MLLT6: variants seen among roughly 807,000 people sequenced by gnomAD.
MLLT6 encodes the protein protein AF-17.
Under a neutral mutation model 103.0 loss-of-function variants are expected in MLLT6, and 22 were observed. That is an observed-to-expected ratio of 0.21 (90% CI 0.15 to 0.31). The LOEUF (loss-of-function observed/expected upper bound fraction) is 0.31, where lower values mean the gene tolerates loss of function less well. Ranked by LOEUF, MLLT6 falls within the 10% of genes least tolerant of loss-of-function variation. MLLT6 has a pLI of 1.00. For synonymous variants in MLLT6, 606 were observed against 623.5 expected (o/e 0.97, Z 0.42); for missense variants, 1,199 against 1,441.7 (o/e 0.83, Z 2.73).
rs1164492531 is a variant in MLLT6 at position 38,728,968 on chromosome 17, G to C, written c.*3370G>C. On this transcript the variant is annotated 3_prime_UTR_variant, in exon 20 of 20. Transcript: ENST00000621332. ...GCTCCTGGGTCTGCTGCTGCCTCAA[G>C]GTGTCCTGACCTTGAGGCTGATGAG... The C allele has an allele frequency of 4.3e-6, 1 of 233,730 alleles. No homozygotes were observed. The highest frequency in any genetic ancestry group is 8.5e-6 in the Non-Finnish European group (1 of 118,196). The allele number at this position is 233,730 out of a possible 1,614,324, so 14.5% of individuals were successfully genotyped here. A position where few individuals can be genotyped will look rare whatever the true frequency, so the allele number is the denominator to read the frequency against.
At position 38,724,546 on chromosome 17, in the gene MLLT6, CAGGCA is replaced by C; in HGVS notation, c.2884-73_2884-69del. 8.3e-7 allele frequency: 1 copy of C among 1,198,062 alleles called. No individual in the cohort carries two copies. The allele number at this position is 1,198,062 out of a possible 1,614,324, so 74.2% of individuals were successfully genotyped here. The stretch of plus-strand genomic sequence containing the variant: ...CCAGTGTGATGGGGTGGGGCCTGGC[CAGGCA>C]GGGCAGGCAGGCAGCAGGGAAGAGA... On this transcript the variant is annotated intron_variant, in intron 18 of 19. Coordinates refer to ENST00000621332, the MANE Select transcript of MLLT6 (RefSeq NM_005937.4). This position sits in a 1 kb window ranked among gnomAD's most constrained non-coding sequence, Gnocchi z 5.4.
chr17:38,707,336 C>T (rs1416705645), intron 2 of MLLT6, 150 bp from the exon 3 acceptor site: 1 of 682,502 alleles, frequency 1.5e-6, no homozygotes, highest in African/African-American at 1.8e-5. Context: ...TCATTTTCAA[C>T]AGTTACCAAC....
chr17:38,721,196 T>A (rs1905713234), intron 16 of MLLT6: 1 of 201,178 alleles, frequency 5.0e-6, no homozygotes, highest in African/African-American at 2.4e-5. Flanking sequence ...GCAGTTGCTA[T>A]TGTGTTGTGG....
rs763838532 is a variant in MLLT6 at position 38,716,580 on chromosome 17, GCCGGGCCCGGGCGCCCTC to G, written c.1253_1270del (p.Arg418_Ser423del). The G allele has an allele frequency of 1.2e-6, 2 of 1,614,030 alleles. No individual in the cohort carries two copies. The highest frequency in any genetic ancestry group is 3.3e-5 in the Admixed American group (2 of 60,030). The stretch of plus-strand genomic sequence containing the variant: ...TTCTCCACCACCACCTCCAGCTCAG[GCCGGGCCCGGGCGCCCTC>G]CCCTGGGGACTATAAGTCTCCCCAC... On this transcript the variant is annotated inframe_deletion, in exon 10 of 20. Transcript: ENST00000621332. This position sits in a 1 kb window ranked among gnomAD's most constrained non-coding sequence, Gnocchi z 5.6.
chr17:38,719,716 G>A (rs764224742), intron 13 of MLLT6, 34 bp from the exon 14 acceptor site: 1 of 1,595,090 alleles, frequency 6.3e-7, no homozygotes. Context: ...TGGAGTGGTC[G>A]GGTCGACTGA....
intron 3 of MLLT6, 70 bp from the exon 4 acceptor site, chr17:38,707,693 G>A (rs1904990086): frequency 8.1e-7 from 1 of 1,227,844 alleles, no homozygotes. Flanking sequence ...ACAGTCTGCA[G>A]CGTGGGGTCA....
intron 17 of MLLT6, 24 bp from the exon 18 acceptor site, chr17:38,722,654 C>CT: frequency 2.2e-6 from 1 of 458,204 alleles, no homozygotes; most frequent in South Asian, 2.1e-5. Context: ...GTTGTCCCCC[C>CT]CCCACCCCCC....
At position 38,717,849 on chromosome 17, in the gene MLLT6, T is replaced by C. The variant is rs1433958046; in HGVS notation, c.1838T>C (p.Phe613Ser). Residue 613 changes from phenylalanine to serine, a missense_variant, in exon 12 of 20, where the codon TTT becomes TCT. By Grantham distance (155) the Phe-to-Ser change is radical (BLOSUM62 -2). This residue lies in a region of MLLT6 where 1,034 missense variants were observed against 1,091.5 expected (regional missense o/e 0.95). Coordinates refer to ENST00000621332, the MANE Select transcript of MLLT6 (RefSeq NM_005937.4). Reference sequence around the variant, plus strand: ...GATTCTACCTCCCTCCCTTAGGTGTTTTCTCTGGCTGGCTCTACCTTTAGC... The same window carrying C: ...GATTCTACCTCCCTCCCTTAGGTGTCTTCTCTGGCTGGCTCTACCTTTAGC... ...SSASISTTQVFSLAGSTFSLP... is the reference protein window; with the variant it reads ...SSASISTTQVSSLAGSTFSLP... 3.7e-6 allele frequency: 6 copies of C among 1,612,448 alleles called. No individual in the cohort carries two copies. Among genetic ancestry groups the C allele is most frequent in the South Asian group, 1.1e-5 (1 of 90,998 alleles).
At position 38,722,204 on chromosome 17, in the gene MLLT6, G is replaced by A. The variant is rs554136055; in HGVS notation, c.2769G>A (p.Leu923=). The A allele has an allele frequency of 5.0e-5, 69 of 1,366,494 alleles. No homozygotes were observed. In the African/African-American group the frequency reaches 9.9e-4, roughly 20 times the overall value. 84.6% of individuals were successfully genotyped at this position (1,366,494 alleles called of 1,614,324 possible). A position where few individuals can be genotyped will look rare whatever the true frequency, so the allele number is the denominator to read the frequency against. Residue 923 remains leucine, a synonymous_variant, in exon 17 of 20, where the codon CTG becomes CTA. Transcript: ENST00000621332. ...SLSQAGGAPT[L]QLPGCLNSLT... ...GCCAGGCTGGCGGGGCCCCCACGCT[G>A]CAGCTGCCAGGCTGTCTCAACAGGT...
intron 8 of MLLT6, among the ~76,000 whole-genome samples, chr17:38,714,943 C>G (rs2053367621): frequency 6.6e-6 from 1 of 152,156 alleles, no homozygotes; most frequent in South Asian, 2.1e-4. Flanking sequence ...GTGCACAGTT[C>G]TCTGGAAATA....
chr17:38,705,576 C>G lies in MLLT6; in HGVS notation c.-57C>G. The G allele has an allele frequency of 2.0e-6, 1 of 511,596 alleles. No individual in the cohort carries two copies. The highest frequency in any genetic ancestry group is 3.4e-6 in the Non-Finnish European group (1 of 294,058). 31.7% of individuals were successfully genotyped at this position (511,596 alleles called of 1,614,324 possible). A position where few individuals can be genotyped will look rare whatever the true frequency, so the allele number is the denominator to read the frequency against. On this transcript the variant is annotated 5_prime_UTR_variant, in exon 1 of 20. Transcript: ENST00000621332. ...CCCCCGCTCCCTCCCTCCCCCCTGA[C>G]CCCCGACCCCCGCCGGCCGGCCCCC...
rs1342211560 is a variant in MLLT6 at position 38,720,442 on chromosome 17, C to T, written c.2226C>T (p.Ser742=). The T allele has an allele frequency of 9.3e-6, 15 of 1,612,810 alleles. No homozygotes were observed. The highest frequency in any genetic ancestry group is 1.3e-5 in the Non-Finnish European group (15 of 1,179,994). ...ENQRLQEQIL[S]LTAKKERLQI... Reference sequence around the variant, plus strand: ...AGCGGCTGCAAGAGCAGATCCTGAGCCTGACGGCCAAAAAGGAGCGGCTGC... The same window carrying T: ...AGCGGCTGCAAGAGCAGATCCTGAGTCTGACGGCCAAAAAGGAGCGGCTGC... Residue 742 remains serine (S), a synonymous_variant, in exon 15 of 20, where the codon AGC becomes AGT. Coordinates refer to ENST00000621332, the MANE Select transcript of MLLT6 (RefSeq NM_005937.4).
intron 4 of MLLT6, among the ~76,000 whole-genome samples, chr17:38,708,894 T>C (rs975407733): frequency 1.2e-4 from 19 of 152,176 alleles, no homozygotes; most frequent in African/African-American, 4.6e-4. Flanking sequence ...GGAGACTCCG[T>C]CTCAAATAAA....
chr17:38,717,315 G>A, intron 10 of MLLT6, 117 bp from the exon 11 acceptor site: 1 of 841,284 alleles, frequency 1.2e-6, no homozygotes, highest in Non-Finnish European at 1.9e-6. Context: ...TTAGACTGGG[G>A]CATGTAGCCA....
At position 38,715,771 on chromosome 17, in the gene MLLT6, GCCT is replaced by G. The variant is rs777820414; in HGVS notation, c.984_986del (p.Ser338del). The G allele has an allele frequency of 6.2e-7, 1 of 1,612,882 alleles. No individual in the cohort carries two copies. The highest frequency in any genetic ancestry group is 8.5e-7 in the Non-Finnish European group (1 of 1,179,498). On this transcript the variant is annotated inframe_deletion, in exon 9 of 20. Coordinates refer to ENST00000621332, the MANE Select transcript of MLLT6 (RefSeq NM_005937.4). ...GAAAGGTGTGAGCAGTTTTACCTCC[GCCT>G]CCTCTTCTTCCTCCTCCTCTTCCTC...
chr17:38,726,795 G>C lies in MLLT6; in HGVS notation c.*1197G>C. The C allele has an allele frequency of 4.3e-6, 1 of 233,734 alleles. No homozygotes were observed. Among genetic ancestry groups the C allele is most frequent in the Non-Finnish European group, 8.5e-6 (1 of 118,080 alleles). The allele number at this position is 233,734 out of a possible 1,614,324, so 14.5% of individuals were successfully genotyped here. On this transcript the variant is annotated 3_prime_UTR_variant, in exon 20 of 20. Transcript: ENST00000621332. ...GCTTTTAGCAAAAGCCTCCCTCCCA[G>C]AATTAGCCAGCTTGCCTCCTGCACC... is the stretch of plus-strand genomic sequence containing the variant.
chr17:38,706,736 T>G (rs945289760), intron 1 of MLLT6: 1 of 423,072 alleles, frequency 2.4e-6, no homozygotes. Flanking sequence ...GACTCAGACT[T>G]CCCGCCCTGT....
chr17:38,724,974 G>C lies in MLLT6; in HGVS notation c.3238G>C (p.Gly1080Arg), dbSNP rs1905946806. Reference protein sequence around the residue: ...AEGSGGGPKGGTADKGASANQ... With the variant: ...AEGSGGGPKGRTADKGASANQ... The stretch of plus-strand genomic sequence containing the variant: ...GGGCAGTGGCGGTGGCCCCAAAGGA[G>C]GGGTGAGTAAGGGGCCCGGGGCCTT... The change falls in exon 19 of 20, where the codon GGG (glycine) becomes CGG (arginine). Residue 1080 changes from glycine to arginine, a missense_variant and splice_region_variant. Transcript: ENST00000621332. This position sits in a 1 kb window ranked among gnomAD's most constrained non-coding sequence, Gnocchi z 5.4. 3.3e-6 allele frequency: 5 copies of C among 1,529,828 alleles called. No homozygotes were observed. Among genetic ancestry groups the C allele is most frequent in the Non-Finnish European group, 3.5e-6 (4 of 1,133,032 alleles). 94.8% of individuals were successfully genotyped at this position (1,529,828 alleles called of 1,614,324 possible).
Position 38,705,409 on chromosome 17 carries a change from G to C in MLLT6, c.-224G>C. 2.7e-6 allele frequency: 1 copy of C among 374,480 alleles called. No individual in the cohort carries two copies. Among genetic ancestry groups the C allele is most frequent in the Admixed American group, 4.8e-5 (1 of 21,016 alleles). The allele number at this position is 374,480 out of a possible 1,614,324, so 23.2% of individuals were successfully genotyped here. A position where few individuals can be genotyped will look rare whatever the true frequency, so the allele number is the denominator to read the frequency against. On this transcript the variant is annotated 5_prime_UTR_variant, in exon 1 of 20. Coordinates refer to ENST00000621332, the MANE Select transcript of MLLT6 (RefSeq NM_005937.4). Reference sequence around the variant, plus strand: ...GGGGGGGGCCCGTCGGGGCATGAGGGCGAGAGCACGGCGGGGGGGGCGGCC... The same window carrying C: ...GGGGGGGGCCCGTCGGGGCATGAGGCCGAGAGCACGGCGGGGGGGGCGGCC...
Sources: gnomAD v4.1 joint callset for allele counts (sites outside exome capture counted in the v4.1 genomes callset) on GRCh38, gnomAD v4.1.1 for gene constraint, gnomAD v4.1.1 regional missense constraint, Gnocchi (gnomAD v3.1) non-coding constraint, MANE v1.5 for transcripts, NCBI Gene and HGNC (gene_info 2026-07-23, HGNC 2026-07-21) for gene names.